EDEM3: variants seen among roughly 807,000 people sequenced by gnomAD.
EDEM3 encodes ER degradation-enhancing alpha-mannosidase-like protein 3.
In EDEM3, 60 loss-of-function variants were observed where a neutral mutation model predicts 110.2. That is an observed-to-expected ratio of 0.54 (90% CI 0.44 to 0.67). The LOEUF (loss-of-function observed/expected upper bound fraction) is 0.67, where lower values mean the gene tolerates loss of function less well. Among genes scored for constraint, EDEM3 ranks in the 30% least tolerant of loss-of-function variants. The pLI is 0.00. For missense variants in EDEM3, 996 were observed against 1,121.0 expected (o/e 0.89, Z 1.59); for synonymous variants, 352 against 382.9 (o/e 0.92, Z 0.94).
intron 10 of EDEM3, 59 bp from the exon 11 acceptor site, chr1:184,719,304 C>A: frequency 6.7e-7 from 1 of 1,503,484 alleles, no homozygotes; most frequent in South Asian, 1.3e-5. Flanking sequence ...TATCTCTAAT[C>A]ATTACATAAA....
Position 184,706,657 on chromosome 1 carries a change from C to G in EDEM3, c.2189G>C (p.Gly730Ala). 1 of 1,611,476 alleles carries G rather than the reference C, an allele frequency of 6.2e-7. No individual in the cohort carries two copies. The highest frequency in any genetic ancestry group is 8.5e-7 in the Non-Finnish European group (1 of 1,178,198). The change falls in exon 18 of 20, where the codon GGT (glycine) becomes GCT (alanine). Residue 730 changes from glycine (G) to alanine (A), a missense_variant. Physicochemically the swap from Gly to Ala is moderately conservative, Grantham distance 60. Transcript: ENST00000318130. ...TGATTACTTACCAATAACAATGCCA[C>G]CAATGGCTCCAGCATTCTGGATGTT... ...ARNIQNAGAIGGIVIDDNEGS... is the reference protein window; with the variant it reads ...ARNIQNAGAIAGIVIDDNEGS...
At chr1:184,728,023 A>G (rs925383558) in intron 6 of EDEM3, among the ~76,000 whole-genome samples, 5 of 152,248 alleles carry the variant, frequency 3.3e-5, no homozygotes, top group African/African-American at 1.2e-4. Flanking sequence ...AATATTTGCA[A>G]TAAGAATCAA....
chr1:184,722,526 A>G (rs2102091699), intron 8 of EDEM3, among the ~76,000 whole-genome samples: 1 of 152,096 alleles, frequency 6.6e-6, no homozygotes, highest in African/African-American at 2.4e-5. Flanking sequence ...GGAACTTGGA[A>G]GAAATTGTCT....
rs2102044027 is a variant in EDEM3, at chr1:184,690,309, TCA to T, written c.*3752_*3753del. ...ATGCTACTGACTTGTTGAAAAACTTTCAGTGATTTCTTAGAACAAAATCCTTA... is the reference window on the plus strand; with the variant it reads ...ATGCTACTGACTTGTTGAAAAACTTTGTGATTTCTTAGAACAAAATCCTTA... On this transcript the variant is annotated 3_prime_UTR_variant, in exon 20 of 20. Transcript: ENST00000318130. The T allele has an allele frequency of 6.6e-6, 1 of 152,536 alleles. No individual in the cohort carries two copies. The highest frequency in any genetic ancestry group is 2.4e-5 in the African/African-American group (1 of 41,552). 9.4% of individuals were successfully genotyped at this position (152,536 alleles called of 1,614,324 possible). A position where few individuals can be genotyped will look rare whatever the true frequency, so the allele number is the denominator to read the frequency against.
chr1:184,701,940 G>T lies in EDEM3; in HGVS notation c.2389+871C>A, dbSNP rs555787587. ...TCCCACTTGGAAGTCACATTGAATT[G>T]AATCAGTTTCCTACATATCTGTCAA... On this transcript the variant is annotated intron_variant, in intron 19 of 19. Coordinates refer to ENST00000318130, the MANE Select transcript of EDEM3 (RefSeq NM_025191.4). Among the ~76,000 whole-genome samples, 186 of 152,066 alleles carry T rather than the reference G, an allele frequency of 1.2e-3. 1 individual carries two copies. Among genetic ancestry groups the T allele is most frequent in the African/African-American group, 4.0e-3 (166 of 41,498 alleles).
In EDEM3 at chr1:184,754,835, C is replaced by A. The variant is rs898698184; in HGVS notation, c.-189G>T. 3.2e-6 allele frequency: 3 copies of A among 932,872 alleles called. No homozygotes were observed. Among genetic ancestry groups the A allele is most frequent in the Middle Eastern group, 3.4e-4 (1 of 2,902 alleles). The allele number at this position is 932,872 out of a possible 1,614,324, so 57.8% of individuals were successfully genotyped here. A position where few individuals can be genotyped will look rare whatever the true frequency, so the allele number is the denominator to read the frequency against. Reference sequence around the variant, plus strand: ...TCCCCAGCGCCAGCGCTGCCACCGCCCTCCGCCCTCAGTATCCCGGAGCGC... The same window carrying A: ...TCCCCAGCGCCAGCGCTGCCACCGCACTCCGCCCTCAGTATCCCGGAGCGC... On this transcript the variant is annotated 5_prime_UTR_variant, in exon 1 of 20. Coordinates refer to ENST00000318130, the MANE Select transcript of EDEM3 (RefSeq NM_025191.4).
chr1:184,734,719 A>G (rs1217262161), intron 4 of EDEM3, 76 bp from the exon 5 acceptor site: 1 of 448,484 alleles, frequency 2.2e-6, no homozygotes, highest in African/African-American at 2.1e-5. Context: ...GAGCTATTAA[A>G]AGTCAGTCTA....
rs548484304 is a variant in EDEM3, at chr1:184,711,841, C to T, written c.1573G>A (p.Asp525Asn). Reference protein sequence around the residue: ...EYTELDDSNFDWTCPNTQILF... With the variant: ...EYTELDDSNFNWTCPNTQILF... ...ATCTGAGTATTTGGACAAGTCCAAT[C>T]GAAGTTACTGTCATCCAGTTCTGTA... Residue 525 changes from aspartate (D) to asparagine (N), a missense_variant, in exon 15 of 20, where the codon GAT (aspartate) becomes AAT (asparagine). Asp to Asn is a conservative substitution (Grantham distance 23, BLOSUM62 1). Transcript: ENST00000318130. 11 of 1,612,990 alleles carry T rather than the reference C, an allele frequency of 6.8e-6. No individual in the cohort carries two copies. Among genetic ancestry groups the T allele is most frequent in the Admixed American group, 6.7e-5 (4 of 59,960 alleles).
chr1:184,722,691 T>C (rs1298589049), intron 8 of EDEM3, among the ~76,000 whole-genome samples: 4 of 151,860 alleles, frequency 2.6e-5, no homozygotes, highest in Non-Finnish European at 4.4e-5. Context: ...AAGGTAATAA[T>C]TTTAATATGT....
In EDEM3 at chr1:184,754,779, G is replaced by T; in HGVS notation, c.-133C>A. ...CGGAGTAACACGGACGGCCGCCGGC[G>T]CCAAACTGTTTCCCGAAGCCACCAA... On this transcript the variant is annotated 5_prime_UTR_variant, in exon 1 of 20. Coordinates refer to ENST00000318130, the MANE Select transcript of EDEM3 (RefSeq NM_025191.4). 7.4e-7 allele frequency: 1 copy of T among 1,348,062 alleles called. No individual in the cohort carries two copies. Among genetic ancestry groups the T allele is most frequent in the Non-Finnish European group, 9.6e-7 (1 of 1,041,302 alleles). 83.5% of individuals were successfully genotyped at this position (1,348,062 alleles called of 1,614,324 possible).
chr1:184,716,865 G>A (rs374865611), intron 13 of EDEM3, 23 bp downstream of exon 13: 3 of 1,611,780 alleles, frequency 1.9e-6, no homozygotes, highest in Non-Finnish European at 2.5e-6. Flanking sequence ...CCTGAGGAAA[G>A]AGGATGTTAG....
At chr1:184,740,041 A>G (rs1312729634) in intron 2 of EDEM3, among the ~76,000 whole-genome samples, 3 of 152,140 alleles carry the variant, frequency 2.0e-5, no homozygotes, top group Non-Finnish European at 2.9e-5. Flanking sequence ...ACTGGACTAG[A>G]ACATTTCTAC....
Position 184,701,703 on chromosome 1 carries a change from A to G in EDEM3, c.2389+1108T>C, listed in dbSNP as rs547355721. On this transcript the variant is annotated intron_variant, in intron 19 of 19. Transcript: ENST00000318130. ...AGGGCCCAGGAAAAAAAAATCAGGT[A>G]TACAGAGGATTTAAGACTAGAAAAC... Among the ~76,000 whole-genome samples the G allele has an allele frequency of 1.2e-4, 18 of 152,202 alleles. No homozygotes were observed. The South Asian group carries it at 3.7e-3, about 32-fold the overall frequency.
At chr1:184,702,425 A>G (rs77937018) in intron 19 of EDEM3, among the ~76,000 whole-genome samples, 2 of 152,314 alleles carry the variant, frequency 1.3e-5, no homozygotes, top group African/African-American at 2.4e-5. Flanking sequence ...TGTATACAAC[A>G]TTCTATATAT....
chr1:184,711,808 G>A lies in EDEM3; in HGVS notation c.1606C>T (p.Pro536Ser). 6.2e-7 allele frequency: 1 copy of A among 1,613,556 alleles called. No homozygotes were observed. Among genetic ancestry groups the A allele is most frequent in the Non-Finnish European group, 8.5e-7 (1 of 1,179,638 alleles). ...CTTTGAGCATACAATGGGTCATTAGGAAAGAGGATCTGAGTATTTGGACAA... is the reference window on the plus strand; with the variant it reads ...CTTTGAGCATACAATGGGTCATTAGAAAAGAGGATCTGAGTATTTGGACAA... Reference protein sequence around the residue: ...WTCPNTQILFPNDPLYAQSIR... With the variant: ...WTCPNTQILFSNDPLYAQSIR... Residue 536 changes from proline (P) to serine (S), a missense_variant, in exon 15 of 20, where the codon CCT becomes TCT. This residue lies in a region of EDEM3 where 138 missense variants were observed against 124.3 expected (regional missense o/e 1.11). Transcript: ENST00000318130.
chr1:184,725,607 T>A (rs1194553696), intron 7 of EDEM3, among the ~76,000 whole-genome samples: 2 of 151,862 alleles, frequency 1.3e-5, no homozygotes, highest in East Asian at 3.9e-4. Context: ...AGTCCCTATT[T>A]CTGCTTGTTC....
intron 4 of EDEM3, among the ~76,000 whole-genome samples, chr1:184,736,635 T>A (rs1488120074): frequency 6.6e-6 from 1 of 152,154 alleles, no homozygotes; most frequent in Admixed American, 6.5e-5. Context: ...ATTTTTTGCT[T>A]ATGAACACAG....
At chr1:184,723,918 G>T in intron 7 of EDEM3, 62 bp from the exon 8 acceptor site, 1 of 1,264,068 alleles carries the variant, frequency 7.9e-7, no homozygotes, top group Non-Finnish European at 1.1e-6. Context: ...AGTCTCTTTG[G>T]CAAATAGGAA....
In EDEM3 at chr1:184,723,865, T is replaced by TGAA; in HGVS notation, c.748-10_748-9insTTC. 2 of 1,090,566 alleles carry TGAA rather than the reference T, an allele frequency of 1.8e-6. No individual in the cohort carries two copies. Among genetic ancestry groups the TGAA allele is most frequent in the Admixed American group, 3.5e-5 (1 of 28,358 alleles). 67.6% of individuals were successfully genotyped at this position (1,090,566 alleles called of 1,614,324 possible). ...GCTTTTCTGGCATATTCCTGTAATT[T>TGAA]AAAAAAAAAAAAAAAAAAAAGAAGT... is the stretch of plus-strand genomic sequence containing the variant. On this transcript the variant is annotated splice_polypyrimidine_tract_variant and intron_variant, in intron 7 of 19. Transcript: ENST00000318130.
Sources: allele counts gnomAD v4.1 joint callset (sites outside exome capture counted in the v4.1 genomes callset), GRCh38; gene constraint gnomAD v4.1.1; regional missense constraint gnomAD v4.1.1; transcripts MANE v1.5; gene names NCBI Gene and HGNC (gene_info 2026-07-23, HGNC 2026-07-21).